PTPRN2: variants seen among roughly 807,000 people sequenced by gnomAD.
PTPRN2 encodes the protein protein tyrosine phosphatase receptor type N2.
In PTPRN2, 74 loss-of-function variants were observed where a neutral mutation model predicts 118.8. The observed-to-expected ratio is 0.62, with a 90% CI of 0.52 to 0.76. The LOEUF (loss-of-function observed/expected upper bound fraction) is 0.76. Among genes scored for constraint, PTPRN2 ranks in the 30% least tolerant of loss-of-function variants. The probability of loss-of-function intolerance (pLI) is 0.00; values close to 1 mark genes in which losing one functional copy is unlikely to be tolerated. For synonymous variants in PTPRN2, 641 were observed against 608.0 expected (o/e 1.05, Z -0.80); for missense variants, 1,481 against 1,394.4 (o/e 1.06, Z -0.99).
At chr7:158,183,296 T>C (rs1037702370) in intron 5 of PTPRN2, among the ~76,000 whole-genome samples, 2 of 152,226 alleles carry the variant, frequency 1.3e-5, no homozygotes, top group Non-Finnish European at 2.9e-5. Context: ...TCAACACTAA[T>C]ATTGAGATGT....
chr7:157,566,277 A>G (rs1024135922), intron 21 of PTPRN2, among the ~76,000 whole-genome samples: 5 of 152,254 alleles, frequency 3.3e-5, no homozygotes, highest in Non-Finnish European at 5.9e-5. Context: ...AGAAAGGGAA[A>G]TGGGAAGAAA....
rs1586961822 is a variant in PTPRN2, at chr7:158,570,879, G to T, written c.112+16679C>A. Reference sequence around the variant, plus strand: ...CCCGACATTGTGGAAAGACACAAACGTGCATGGACCTGGTTACCTCTGGCC... The same window carrying T: ...CCCGACATTGTGGAAAGACACAAACTTGCATGGACCTGGTTACCTCTGGCC... On this transcript the variant is annotated intron_variant, in intron 1 of 22. Transcript: ENST00000389418. This position sits in a 1 kb window ranked among gnomAD's most constrained non-coding sequence, Gnocchi z 4.5. 6.6e-6 allele frequency among the ~76,000 whole-genome samples: 1 copy of T among 152,156 alleles called. No homozygotes were observed. The highest frequency in any genetic ancestry group is 1.5e-5 in the Non-Finnish European group (1 of 68,024).
intron 12 of PTPRN2, among the ~76,000 whole-genome samples, chr7:157,767,362 A>T (rs1249784389): frequency 6.6e-6 from 1 of 152,236 alleles, no homozygotes; most frequent in African/African-American, 2.4e-5. Context: ...TTTTACAATG[A>T]GACTGACTGC....
chr7:158,242,786 C>A (rs988764217), intron 3 of PTPRN2, among the ~76,000 whole-genome samples: 1 of 152,200 alleles, frequency 6.6e-6, no homozygotes, highest in Non-Finnish European at 1.5e-5. Flanking sequence ...GGCTCCATTT[C>A]TTCCAGATTG....
At chr7:158,274,344 A>AGCCGCAGACGCGGGAG (rs11402798) in intron 3 of PTPRN2, among the ~76,000 whole-genome samples, 1 of 112,824 alleles carries the variant, frequency 8.9e-6, no homozygotes, top group East Asian at 2.7e-4. Flanking sequence ...CAGACGCGGG[A>AGCCGCAGACGCGGGAG]GAGCCACAGA....
At chr7:158,333,969 A>AC (rs1563158989) in intron 2 of PTPRN2, among the ~76,000 whole-genome samples, 5 of 36,216 alleles carry the variant, frequency 1.4e-4, no homozygotes, top group Non-Finnish European at 1.7e-4. Flanking sequence ...TCACACCCAC[A>AC]ATCTCACCAT....
chr7:158,143,528 T>C (rs535569145), intron 6 of PTPRN2, among the ~76,000 whole-genome samples: 1 of 152,148 alleles, frequency 6.6e-6, no homozygotes, highest in East Asian at 1.9e-4. Context: ...GTCCCCGTGA[T>C]GGAATTTCAT....
rs145006899 is a variant in PTPRN2 at position 157,632,085 on chromosome 7, TTTAA to T, written c.2197-10580_2197-10577del. Among the ~76,000 whole-genome samples the T allele has an allele frequency of 0.015, 2,284 of 152,258 alleles. 62 individuals carry two copies. The highest frequency in any genetic ancestry group is 0.052 in the African/African-American group (2,175 of 41,510). On this transcript the variant is annotated intron_variant, in intron 14 of 22. Coordinates refer to ENST00000389418, the MANE Select transcript of PTPRN2 (RefSeq NM_002847.5). The surrounding 1 kb of genome is among the most constrained non-coding windows in gnomAD (Gnocchi z 4.3). ...GGCTCTATCTTGATTGAGTAGAAAC[TTTAA>T]TTAGTGTATTTTTATTATAATTTGG...
chr7:157,639,751 G>A (rs1005087844), intron 14 of PTPRN2, among the ~76,000 whole-genome samples: 4 of 152,322 alleles, frequency 2.6e-5, no homozygotes, highest in Admixed American at 6.5e-5. Context: ...AGCTGGACCC[G>A]AGCCCCCCAC....
chr7:157,744,616 T>C (rs901190208), intron 12 of PTPRN2, among the ~76,000 whole-genome samples: 1 of 152,174 alleles, frequency 6.6e-6, no homozygotes, highest in African/African-American at 2.4e-5. Flanking sequence ...GGGTCTGCTT[T>C]TGAATTTTAG....
chr7:158,326,198 A>C (rs1437164272), intron 2 of PTPRN2, among the ~76,000 whole-genome samples: 2 of 152,002 alleles, frequency 1.3e-5, no homozygotes, highest in Non-Finnish European at 1.5e-5. Context: ...TCTGTCACTC[A>C]CTCCCTCCCT....
In PTPRN2 at chr7:158,505,414, G is replaced by A. The variant is rs76333636; in HGVS notation, c.113-15629C>T. ...AATTCTCTCTGTTGGCTGGTTCCCA[G>A]GCCATTCCTTCTCTACAAAGGTGAC... is the stretch of plus-strand genomic sequence containing the variant. On this transcript the variant is annotated intron_variant, in intron 1 of 22. Coordinates refer to ENST00000389418, the MANE Select transcript of PTPRN2 (RefSeq NM_002847.5). Among the ~76,000 whole-genome samples the A allele has an allele frequency of 2.4e-3, 371 of 152,160 alleles. 9 individuals are homozygous for A. In the East Asian group the frequency reaches 0.034, roughly 14 times the overall value.
rs141679760 is a variant in PTPRN2 at position 158,533,888 on chromosome 7, C to T, written c.113-44103G>A. ...TCCCAAAGTCGCACGTCAGGCCCTC[C>T]GTGCCGCCGTCACAGCTGCTCTCTC... On this transcript the variant is annotated intron_variant, in intron 1 of 22. Transcript: ENST00000389418. Among the ~76,000 whole-genome samples the T allele has an allele frequency of 4.7e-3, 713 of 152,358 alleles. 5 individuals carry two copies. Among genetic ancestry groups the T allele is most frequent in the African/African-American group, 0.016 (660 of 41,592 alleles).
chr7:157,796,820 C>T (rs1804896726), intron 12 of PTPRN2, among the ~76,000 whole-genome samples: 1 of 152,148 alleles, frequency 6.6e-6, no homozygotes, highest in Non-Finnish European at 1.5e-5. Flanking sequence ...TCAGAAAACT[C>T]ACTATCATGA....
chr7:158,347,202 G>T (rs1483344161), intron 2 of PTPRN2, among the ~76,000 whole-genome samples: 1 of 152,148 alleles, frequency 6.6e-6, no homozygotes, highest in African/African-American at 2.4e-5. Context: ...ATTTTGCCCT[G>T]TGATTTCTTC....
Position 158,138,509 on chromosome 7 carries a change from C to A in PTPRN2, c.917G>T (p.Arg306Leu). 1 of 1,611,136 alleles carries A rather than the reference C, an allele frequency of 6.2e-7. No homozygotes were observed. Among genetic ancestry groups the A allele is most frequent in the South Asian group, 1.1e-5 (1 of 91,072 alleles). ...CAGGTCCTTCAGGAGGGTATGAATC[C>A]GTGCTCCTAGGGGCACACACACAAA... ...EDPSSTGDGA[R>L]IHTLLKDLQR... The change falls in exon 7 of 23, where the codon CGG (arginine) becomes CTG (leucine). Residue 306 changes from arginine to leucine, a missense_variant. This residue lies in a region of PTPRN2 where 1,115 missense variants were observed against 994.2 expected (regional missense o/e 1.12). Transcript: ENST00000389418.
At chr7:157,716,645 C>G (rs554225355) in intron 12 of PTPRN2, among the ~76,000 whole-genome samples, 2 of 74,178 alleles carry the variant, frequency 2.7e-5, no homozygotes, top group Admixed American at 2.5e-4. Flanking sequence ...CACGTAGACT[C>G]TGAGGGAACA....
intron 2 of PTPRN2, among the ~76,000 whole-genome samples, chr7:158,323,648 T>C (rs1054996577): frequency 2.0e-5 from 3 of 152,230 alleles, no homozygotes; most frequent in African/African-American, 7.2e-5. Flanking sequence ...AGCTCATTTA[T>C]CTTGGTAATT....
intron 8 of PTPRN2, among the ~76,000 whole-genome samples, chr7:158,134,773 C>T (rs114804269): frequency 0.013 from 1,968 of 152,256 alleles, 45 homozygotes; most frequent in African/African-American, 0.045. Flanking sequence ...GACTATGCAC[C>T]GGGTACAGAT....
Sources: gnomAD v4.1 joint callset for allele counts (sites outside exome capture counted in the v4.1 genomes callset) on GRCh38, gnomAD v4.1.1 for gene constraint, gnomAD v4.1.1 regional missense constraint, Gnocchi (gnomAD v3.1) non-coding constraint, MANE v1.5 for transcripts, NCBI Gene and HGNC (gene_info 2026-07-23, HGNC 2026-07-21) for gene names.